Variants in ABL1 observed in about 807,000 individuals in gnomAD.
ABL1 encodes the protein ABL proto-oncogene 1, non-receptor tyrosine kinase, also known as tyrosine-protein kinase ABL1.
A neutral mutation model predicts 94.7 loss-of-function variants in ABL1; 11 were observed. The observed-to-expected ratio is 0.12, with a 90% CI of 0.07 to 0.19. The LOEUF (loss-of-function observed/expected upper bound fraction) is 0.19, where lower values mean the gene tolerates loss of function less well. ABL1 is among the 10% of genes least tolerant of loss of function. The pLI is 1.00. For missense variants in ABL1, 1,082 were observed against 1,489.4 expected (o/e 0.73, Z 4.50); for synonymous variants, 656 against 622.4 (o/e 1.05, Z -0.80).
chr9:130,755,400 A>G (rs1832030166), intron 1 of ABL1, among the ~76,000 whole-genome samples: 1 of 152,192 alleles, frequency 6.6e-6, no homozygotes, highest in African/African-American at 2.4e-5. Flanking sequence ...CTCCTTGTGC[A>G]GAAGGTGAGG....
At chr9:130,876,575 G>A (rs769957635) in intron 7 of ABL1, among the ~76,000 whole-genome samples, 16 of 150,080 alleles carry the variant, frequency 1.1e-4, no homozygotes, top group African/African-American at 1.5e-4. Flanking sequence ...CTGCCACCAC[G>A]CCTGGCTAAA....
At chr9:130,815,543 G>T (rs1770420739) in intron 1 of ABL1, among the ~76,000 whole-genome samples, 2 of 152,046 alleles carry the variant, frequency 1.3e-5, no homozygotes, top group African/African-American at 4.8e-5. Context: ...GGTCACCTCT[G>T]CTTGTCCAAG....
intron 1 of ABL1, among the ~76,000 whole-genome samples, chr9:130,836,824 CAA>C (rs565723193): frequency 1.3e-3 from 99 of 77,202 alleles, no homozygotes; most frequent in Admixed American, 3.0e-3. Context: ...GACTCGGTCT[CAA>C]AAAAAAAAAA....
Position 130,882,017 on chromosome 9 carries a change from A to G in ABL1, c.1678+1353A>G, listed in dbSNP as rs1588281883. 1.3e-5 allele frequency among the ~76,000 whole-genome samples: 2 copies of G among 152,326 alleles called. 1 individual carries two copies. The highest frequency in any genetic ancestry group is 4.1e-4 in the South Asian group (2 of 4,824). ...AAAGGCTTGCATGCTAAATAAGTCC[A>G]AATTTGCAATACTTCCCGCCCCGCT... is the stretch of plus-strand genomic sequence containing the variant. On this transcript the variant is annotated intron_variant, in intron 10 of 10. Transcript: ENST00000318560.
chr9:130,745,858 A>C (rs1451984205), intron 1 of ABL1, among the ~76,000 whole-genome samples: 1 of 152,078 alleles, frequency 6.6e-6, no homozygotes, highest in Non-Finnish European at 1.5e-5. Flanking sequence ...CAAATAAATA[A>C]AGTGGACCTG....
At position 130,880,803 on chromosome 9, in the gene ABL1, T is replaced by C. The variant is rs1831439148; in HGVS notation, c.1678+139T>C. 7.2e-6 allele frequency: 8 copies of C among 1,110,872 alleles called. No homozygotes were observed. The South Asian group carries it at 1.1e-4, about 16-fold the overall frequency. The allele number at this position is 1,110,872 out of a possible 1,614,324, so 68.8% of individuals were successfully genotyped here. A position where few individuals can be genotyped will look rare whatever the true frequency, so the allele number is the denominator to read the frequency against. On this transcript the variant is annotated intron_variant, in intron 10 of 10. Transcript: ENST00000318560. The surrounding 1 kb of genome is among the most constrained non-coding windows in gnomAD (Gnocchi z 4.4). ...CCATGGCCTTTGTCAATGGTTCAGC[T>C]TCGGAAGGAGGAAGGTTCTCCTCTC... is the stretch of plus-strand genomic sequence containing the variant.
In ABL1 at chr9:130,835,339, G is replaced by C. The variant is rs1418400883; in HGVS notation, c.-108G>C. ...CGCGGGGCGGCGGTGAGGGCGGCTG[G>C]CGGGGCCGGGGGCGCCGGGGGGGCG... On this transcript the variant is annotated 5_prime_UTR_variant, in exon 1 of 11. Transcript: ENST00000318560. The surrounding 1 kb of genome is among the most constrained non-coding windows in gnomAD (Gnocchi z 4.6). 1 of 302,382 alleles carries C rather than the reference G, an allele frequency of 3.3e-6. No homozygotes were observed. Among genetic ancestry groups the C allele is most frequent in the African/African-American group, 1.0e-4 (1 of 10,006 alleles). The allele number at this position is 302,382 out of a possible 1,614,324, so 18.7% of individuals were successfully genotyped here. A position where few individuals can be genotyped will look rare whatever the true frequency, so the allele number is the denominator to read the frequency against.
At chr9:130,768,459 G>T (rs1269698646) in intron 1 of ABL1, among the ~76,000 whole-genome samples, 1 of 152,186 alleles carries the variant, frequency 6.6e-6, no homozygotes, top group Non-Finnish European at 1.5e-5. Flanking sequence ...GCAGCACCAA[G>T]GAGCAGAAAC....
chr9:130,785,556 G>A (rs1829814891), intron 1 of ABL1, among the ~76,000 whole-genome samples: 1 of 152,046 alleles, frequency 6.6e-6, no homozygotes. Context: ...AATATAGTGG[G>A]CTCTAAGTAG....
At chr9:130,845,455 C>T (rs1034067049) in intron 1 of ABL1, among the ~76,000 whole-genome samples, 2 of 152,058 alleles carry the variant, frequency 1.3e-5, no homozygotes, top group Non-Finnish European at 2.9e-5. Context: ...GAAACCCCTG[C>T]CTCAGCCTCC....
chr9:130,713,760 G>A (rs527941915), exon 1 of ABL1, among the ~76,000 whole-genome samples: 20 of 152,292 alleles, frequency 1.3e-4, no homozygotes, highest in African/African-American at 4.6e-4. Flanking sequence ...CGTCAGAGTC[G>A]AGGGCAAACT....
chr9:130,886,342 C>T lies in ABL1; in HGVS notation c.*659C>T, dbSNP rs1831584079. The T allele has an allele frequency of 4.3e-6, 1 of 234,178 alleles. No individual in the cohort carries two copies. Among genetic ancestry groups the T allele is most frequent in the Non-Finnish European group, 8.4e-6 (1 of 118,550 alleles). 14.5% of individuals were successfully genotyped at this position (234,178 alleles called of 1,614,324 possible). Reference sequence around the variant, plus strand: ...AAACAGGGTGCTAAAGCCAACCAGCCTTTGGGTCCTGGGCAGGTGGGAGCT... The same window carrying T: ...AAACAGGGTGCTAAAGCCAACCAGCTTTTGGGTCCTGGGCAGGTGGGAGCT... On this transcript the variant is annotated 3_prime_UTR_variant, in exon 11 of 11. Coordinates refer to ENST00000318560, the MANE Select transcript of ABL1 (RefSeq NM_005157.6).
chr9:130,738,058 C>T (rs1831767980), intron 1 of ABL1, among the ~76,000 whole-genome samples: 1 of 151,996 alleles, frequency 6.6e-6, no homozygotes, highest in South Asian at 2.1e-4. Flanking sequence ...TCTCAAACTC[C>T]TGACCTCGTG....
Position 130,886,789 on chromosome 9 carries a change from T to G in ABL1, c.*1106T>G. 4.3e-6 allele frequency: 1 copy of G among 233,232 alleles called. No individual in the cohort carries two copies. Among genetic ancestry groups the G allele is most frequent in the Non-Finnish European group, 8.5e-6 (1 of 117,792 alleles). 14.4% of individuals were successfully genotyped at this position (233,232 alleles called of 1,614,324 possible). ...AAGCCCTGCCTCTGTGTAGCCGCCC[T>G]GAGAGAGAATAGAGCTGCCACTGGG... is the stretch of plus-strand genomic sequence containing the variant. On this transcript the variant is annotated 3_prime_UTR_variant, in exon 11 of 11. Transcript: ENST00000318560.
Position 130,880,901 on chromosome 9 carries a change from T to A in ABL1, c.1678+237T>A, listed in dbSNP as rs1448885836. On this transcript the variant is annotated intron_variant, in intron 10 of 10. Coordinates refer to ENST00000318560, the MANE Select transcript of ABL1 (RefSeq NM_005157.6). This position sits in a 1 kb window ranked among gnomAD's most constrained non-coding sequence, Gnocchi z 4.4. ...GGCTCCAGCAGTGAGTTCAGTCCTG[T>A]AGGCAGAGGTGCTTCTGAAGCCCGC... Among the ~76,000 whole-genome samples, 2 of 152,236 alleles carry A rather than the reference T, an allele frequency of 1.3e-5. No individual in the cohort carries two copies. Among genetic ancestry groups the A allele is most frequent in the Non-Finnish European group, 2.9e-5 (2 of 68,048 alleles).
intron 1 of ABL1, among the ~76,000 whole-genome samples, chr9:130,781,710 A>G (rs1829758431): frequency 6.6e-6 from 1 of 152,210 alleles, no homozygotes; most frequent in Non-Finnish European, 1.5e-5. Context: ...GTGTACTAAA[A>G]GTATATTATT....
At chr9:130,860,394 A>G (rs537822579) in intron 3 of ABL1, among the ~76,000 whole-genome samples, 2 of 152,356 alleles carry the variant, frequency 1.3e-5, no homozygotes, top group African/African-American at 4.8e-5. Flanking sequence ...TGGGCCATTC[A>G]GTGAAACCTC....
intron 1 of ABL1, among the ~76,000 whole-genome samples, chr9:130,853,752 C>G (rs527988178): frequency 6.6e-6 from 1 of 152,180 alleles, no homozygotes; most frequent in East Asian, 1.9e-4. Context: ...TAAGCAAAGG[C>G]AAATGCATAT....
chr9:130,815,359 A>G (rs1389489885), intron 1 of ABL1, among the ~76,000 whole-genome samples: 1 of 152,004 alleles, frequency 6.6e-6, no homozygotes, highest in Non-Finnish European at 1.5e-5. Flanking sequence ...AAAAAACTGA[A>G]CTTCATATCT....
Sources: gnomAD v4.1 joint callset for allele counts (sites outside exome capture counted in the v4.1 genomes callset) on GRCh38, gnomAD v4.1.1 for gene constraint, Gnocchi (gnomAD v3.1) non-coding constraint, MANE v1.5 for transcripts, NCBI Gene and HGNC (gene_info 2026-07-23, HGNC 2026-07-21) for gene names.